The following UBE2U variants were observed in gnomAD, a reference collection of about 807,000 sequenced individuals.
The protein encoded by UBE2U is ubiquitin conjugating enzyme E2 U, also known as ubiquitin-conjugating enzyme E2 U.
UBE2U carries 39 observed loss-of-function variants against 41.2 expected under a neutral mutation model. That is an observed-to-expected ratio of 0.95 (90% CI 0.73 to 1.24). The LOEUF is 1.24. Ranked by LOEUF, UBE2U falls within the 50% of genes most tolerant of loss-of-function variation. The pLI is 0.00. For missense variants in UBE2U, 336 were observed against 363.1 expected, an observed-to-expected ratio of 0.93 and a Z score of 0.61; for synonymous variants, 107 against 117.8, an observed-to-expected ratio of 0.91 and a Z score of 0.60.
intron 6 of UBE2U, among the ~76,000 whole-genome samples, chr1:64,223,245 T>G (rs748886770): frequency 1.8e-4 from 28 of 152,202 alleles, no homozygotes; most frequent in Non-Finnish European, 3.7e-4. Context: ...TTTTTCCCCA[T>G]TCCATAAATA....
intron 6 of UBE2U, among the ~76,000 whole-genome samples, chr1:64,226,838 C>T (rs765289261): frequency 2.0e-5 from 3 of 151,844 alleles, no homozygotes; most frequent in Non-Finnish European, 4.4e-5. Context: ...GATTACTACA[C>T]GAAAGGAAAT....
At chr1:64,251,945 G>T (rs1645017642) in intron 8 of UBE2U, among the ~76,000 whole-genome samples, 1 of 152,190 alleles carries the variant, frequency 6.6e-6, no homozygotes, top group South Asian at 2.1e-4. Context: ...GGGCCCGCTA[G>T]CTTGGAGCTC....
At chr1:64,250,909 G>GT (rs1644997869) in intron 8 of UBE2U, among the ~76,000 whole-genome samples, 1 of 137,794 alleles carries the variant, frequency 7.3e-6, no homozygotes, top group Non-Finnish European at 1.5e-5. Flanking sequence ...ACCAAGGCCT[G>GT]TCGTGGGGTG....
At chr1:64,244,132 G>GA (rs749942963) in intron 8 of UBE2U, 1 of 1,608,742 alleles carries the variant, frequency 6.2e-7, no homozygotes, top group African/African-American at 1.3e-5. Context: ...ATTTGCAGAT[G>GA]AAAAATCTTT....
At chr1:64,231,819 G>T (rs1393310858) in intron 6 of UBE2U, among the ~76,000 whole-genome samples, 1 of 152,206 alleles carries the variant, frequency 6.6e-6, no homozygotes, top group Non-Finnish European at 1.5e-5. Context: ...TGTCTAAGCA[G>T]CTGTTTAAGC....
intron 7 of UBE2U, among the ~76,000 whole-genome samples, chr1:64,238,207 C>A (rs1644705039): frequency 6.6e-6 from 1 of 152,000 alleles, no homozygotes; most frequent in South Asian, 2.1e-4. Context: ...GAGTTTGAGA[C>A]CAGCCTGGCC....
intron 1 of UBE2U, 116 bp downstream of exon 1, chr1:64,204,232 T>C: frequency 5.3e-6 from 4 of 754,956 alleles, no homozygotes; most frequent in Non-Finnish European, 8.3e-6. Flanking sequence ...GCCACTACAG[T>C]ATTGTTATTT....
chr1:64,266,966 T>C (rs1645263796), intron 9 of UBE2U, 58 bp from the exon 10 acceptor site: 1 of 1,459,992 alleles, frequency 6.8e-7, no homozygotes, highest in African/African-American at 1.4e-5. Flanking sequence ...CACTTCTCTT[T>C]TTATTGTTTT....
intron 7 of UBE2U, among the ~76,000 whole-genome samples, chr1:64,239,093 G>T (rs1362471257): frequency 2.1e-4 from 1 of 4,766 alleles, no homozygotes; most frequent in African/African-American, 1.0e-3. Context: ...AGAGGAAGAG[G>T]AAGAAGAAGA....
intron 5 of UBE2U, among the ~76,000 whole-genome samples, chr1:64,219,788 T>C (rs1202789378): frequency 6.6e-6 from 1 of 152,004 alleles, no homozygotes; most frequent in African/African-American, 2.4e-5. Context: ...TTAGTAGAGA[T>C]GAGGTTTCAC....
intron 8 of UBE2U, among the ~76,000 whole-genome samples, chr1:64,259,944 A>T (rs991238224): frequency 2.0e-5 from 3 of 151,776 alleles, no homozygotes; most frequent in African/African-American, 4.8e-5. Context: ...GTCTTTGCAG[A>T]TATAAATAGT....
At chr1:64,228,371 T>C (rs532341711) in intron 6 of UBE2U, among the ~76,000 whole-genome samples, 1 of 152,300 alleles carries the variant, frequency 6.6e-6, no homozygotes, top group Non-Finnish European at 1.5e-5. Context: ...CAATGTCCAC[T>C]GTGACAACCT....
At chr1:64,223,953 A>G (rs1244872804) in intron 6 of UBE2U, among the ~76,000 whole-genome samples, 7 of 152,190 alleles carry the variant, frequency 4.6e-5, no homozygotes, top group Admixed American at 4.6e-4. Flanking sequence ...GTTAAAATGA[A>G]TCATGAATGC....
rs1232659611 is a variant in UBE2U at position 64,267,144 on chromosome 1, A to G, written c.890A>G (p.Glu297Gly). The change falls in exon 10 of 10, where the codon GAA becomes GGA. Residue 297 changes from glutamate (E) to glycine (G), a missense_variant. Transcript: ENST00000371077. ...LYENDTDEPREEEVEDLISWT... is the reference protein window; with the variant it reads ...LYENDTDEPRGEEVEDLISWT... ...GAAAATGACACAGATGAGCCCAGGG[A>G]AGAGGAAGTGGAAGATCTGATCTCC... 12 of 1,549,728 alleles carry G rather than the reference A, an allele frequency of 7.7e-6. No individual in the cohort carries two copies. The highest frequency in any genetic ancestry group is 3.3e-4 in the Middle Eastern group (2 of 6,012).
chr1:64,244,454 C>T, intron 8 of UBE2U: 1 of 192,950 alleles, frequency 5.2e-6, no homozygotes, highest in Non-Finnish European at 9.5e-6. Context: ...GTTCATGCCA[C>T]CCTACTTTTC....
intron 8 of UBE2U, among the ~76,000 whole-genome samples, chr1:64,257,467 T>C (rs962741121): frequency 2.6e-5 from 4 of 152,294 alleles, no homozygotes; most frequent in African/African-American, 7.2e-5. Flanking sequence ...TGCAGGGTCA[T>C]GGATGGAGTC....
Position 64,204,040 on chromosome 1 carries a change from C to G in UBE2U, c.-11C>G, listed in dbSNP as rs1418507009. On this transcript the variant is annotated 5_prime_UTR_variant, in exon 1 of 10. Coordinates refer to ENST00000371077, the MANE Select transcript of UBE2U (RefSeq NM_001366232.2). ...ATTTGGGGACAAGTGTCAGACCCTC[C>G]GCTGCCTATCATGCACGGCAGAGCT... 1.2e-6 allele frequency: 2 copies of G among 1,612,724 alleles called. No homozygotes were observed. The highest frequency in any genetic ancestry group is 2.7e-5 in the African/African-American group (2 of 74,856).
At chr1:64,245,550 G>A (rs866762841) in intron 8 of UBE2U, among the ~76,000 whole-genome samples, 1 of 152,106 alleles carries the variant, frequency 6.6e-6, no homozygotes, top group African/African-American at 2.4e-5. Context: ...TGTTTATACC[G>A]AGTAGGTATA....
chr1:64,203,905 T>C lies in UBE2U; in HGVS notation c.-146T>C, dbSNP rs1651126889. 2 of 538,178 alleles carry C rather than the reference T, an allele frequency of 3.7e-6. No individual in the cohort carries two copies. Among genetic ancestry groups the C allele is most frequent in the Non-Finnish European group, 6.3e-6 (2 of 317,812 alleles). The allele number at this position is 538,178 out of a possible 1,614,324, so 33.3% of individuals were successfully genotyped here. ...TTATATCCCAACTTTAGAAGCCGCT[T>C]ATCTTGGTACCGTTCTGAGGTTCTA... On this transcript the variant is annotated 5_prime_UTR_variant, in exon 1 of 10. Coordinates refer to ENST00000371077, the MANE Select transcript of UBE2U (RefSeq NM_001366232.2).
Sources: allele counts gnomAD v4.1 joint callset (sites outside exome capture counted in the v4.1 genomes callset), GRCh38; gene constraint gnomAD v4.1.1; transcripts MANE v1.5; gene names NCBI Gene and HGNC (gene_info 2026-07-23, HGNC 2026-07-21).